Variants in PRMT8 observed in about 807,000 individuals in gnomAD.
The protein encoded by PRMT8 is protein arginine N-methyltransferase 8.
Under a neutral mutation model 47.1 loss-of-function variants are expected in PRMT8, and 7 were observed. The observed-to-expected ratio is 0.15, with a 90% CI of 0.08 to 0.28. The LOEUF (loss-of-function observed/expected upper bound fraction) is 0.28, where lower values mean the gene tolerates loss of function less well. PRMT8 is among the 10% of genes least tolerant of loss of function. The pLI, the probability that PRMT8 is intolerant of heterozygous loss-of-function variation, is 1.00. For synonymous variants in PRMT8, 188 were observed against 186.5 expected, an observed-to-expected ratio of 1.01 and a Z score of -0.07; for missense variants, 237 against 505.4, an observed-to-expected ratio of 0.47 and a Z score of 5.09.
chr12:3,537,355 A>C (rs1866137153), intron 1 of PRMT8, among the ~76,000 whole-genome samples: 1 of 152,202 alleles, frequency 6.6e-6, no homozygotes, highest in African/African-American at 2.4e-5. Flanking sequence ...TCCTTTCCCC[A>C]ATATTACATT....
At chr12:3,433,289 A>G (rs569538402) in intron 1 of PRMT8, among the ~76,000 whole-genome samples, 2 of 152,368 alleles carry the variant, frequency 1.3e-5, no homozygotes, top group African/African-American at 2.4e-5. Context: ...TATTGTTTGC[A>G]GTAGCAGAGA....
intron 1 of PRMT8, among the ~76,000 whole-genome samples, chr12:3,410,583 A>G (rs1255998059): frequency 1.3e-5 from 2 of 152,184 alleles, no homozygotes; most frequent in African/African-American, 4.8e-5. Flanking sequence ...ATCTCGGCTC[A>G]CTGCAACCTC....
At chr12:3,445,750 C>A (rs1207230534) in intron 1 of PRMT8, among the ~76,000 whole-genome samples, 1 of 152,234 alleles carries the variant, frequency 6.6e-6, no homozygotes, top group African/African-American at 2.4e-5. Context: ...GAAATACTCT[C>A]CAGTGGCCCC....
chr12:3,467,373 C>A (rs1285951113), intron 1 of PRMT8, among the ~76,000 whole-genome samples: 1 of 151,756 alleles, frequency 6.6e-6, no homozygotes, highest in Non-Finnish European at 1.5e-5. Flanking sequence ...GTCGCACAGA[C>A]ACCCGAGCAG....
intron 1 of PRMT8, among the ~76,000 whole-genome samples, chr12:3,401,899 T>C (rs1864321325): frequency 6.6e-6 from 1 of 152,182 alleles, no homozygotes; most frequent in African/African-American, 2.4e-5. Context: ...AAAATGGCCA[T>C]ACTGCCCAAA....
intron 1 of PRMT8, chr12:3,462,671 T>A (rs1392188092): frequency 1.3e-5 from 2 of 152,114 alleles, no homozygotes; most frequent in Non-Finnish European, 2.9e-5. Context: ...TTTTCTGCTT[T>A]CGTTGAGTGT....
At chr12:3,548,127 A>T (rs1310048438) in intron 2 of PRMT8, among the ~76,000 whole-genome samples, 1 of 152,150 alleles carries the variant, frequency 6.6e-6, no homozygotes, top group African/African-American at 2.4e-5. Context: ...TTAATGGAGG[A>T]AATGTTTCTT....
rs1276791698 is a variant in PRMT8, at chr12:3,420,052, AG to A, written c.48+38611del. The stretch of plus-strand genomic sequence containing the variant: ...GAGACAGACAGAGAGAGAGAGAGAG[AG>A]AGAGAGAGAGAAGGGCTGAGCCTGG... On this transcript the variant is annotated intron_variant, in intron 1 of 9. Coordinates refer to the PRMT8 transcript ENST00000452611. Among the ~76,000 whole-genome samples the A allele has an allele frequency of 3.0e-3, 454 of 151,010 alleles. 5 individuals are homozygous for A. Among genetic ancestry groups the A allele is most frequent in the African/African-American group, 0.011 (434 of 41,108 alleles).
intron 1 of PRMT8, among the ~76,000 whole-genome samples, 185 bp downstream of exon 1, chr12:3,491,885 T>G: frequency 8.6e-5 from 5 of 58,282 alleles, no homozygotes; most frequent in Non-Finnish European, 1.3e-4. Flanking sequence ...TGTGTGTGTG[T>G]GTGTTGGTGG....
chr12:3,475,078 A>G (rs977403753), intron 1 of PRMT8, among the ~76,000 whole-genome samples: 1 of 152,130 alleles, frequency 6.6e-6, no homozygotes, highest in African/African-American at 2.4e-5. Flanking sequence ...CAGACAGGTG[A>G]CTCTCATCAT....
Position 3,491,363 on chromosome 12 carries a change from A to AGGGGCGGGGAGGGGGTCG in PRMT8, c.-257_-240dup. 1.7e-6 allele frequency: 2 copies of AGGGGCGGGGAGGGGGTCG among 1,143,508 alleles called. No homozygotes were observed. The highest frequency in any genetic ancestry group is 2.1e-6 in the Non-Finnish European group (2 of 931,520). 70.8% of individuals were successfully genotyped at this position (1,143,508 alleles called of 1,614,324 possible). A position where few individuals can be genotyped will look rare whatever the true frequency, so the allele number is the denominator to read the frequency against. ...AGCTTAGCCCGCAGCGCGGGTGGAG[A>AGGGGCGGGGAGGGGGTCG]GGGGCGGGGAGGGGGTCGGGGGCAC... On this transcript the variant is annotated 5_prime_UTR_variant, in exon 1 of 10. Transcript: ENST00000382622.
At chr12:3,435,791 AT>A (rs1050147231) in intron 1 of PRMT8, among the ~76,000 whole-genome samples, 1 of 152,130 alleles carries the variant, frequency 6.6e-6, no homozygotes, top group Non-Finnish European at 1.5e-5. Context: ...GAGTGCTGGG[AT>A]TACAGGCGCG....
chr12:3,580,339 T>TGC lies in PRMT8; in HGVS notation c.829-2718_829-2717insCG, dbSNP rs1867034731. Among the ~76,000 whole-genome samples the TGC allele has an allele frequency of 6.3e-5, 8 of 126,804 alleles. No homozygotes were observed. Among genetic ancestry groups the TGC allele is most frequent in the Admixed American group, 6.0e-4 (8 of 13,254 alleles). 83.2% of individuals were successfully genotyped at this position (126,804 alleles called of 152,430 possible). A position where few individuals can be genotyped will look rare whatever the true frequency, so the allele number is the denominator to read the frequency against. ...CTGCCAGATGGGGGGTGCGTGTGCG[T>TGC]GTGTGTGTGTGTGTGTGTGTGTGTG... is the stretch of plus-strand genomic sequence containing the variant. On this transcript the variant is annotated intron_variant, in intron 7 of 9. Coordinates refer to ENST00000382622, the MANE Select transcript of PRMT8 (RefSeq NM_019854.5). This position sits in a 1 kb window ranked among gnomAD's most constrained non-coding sequence, Gnocchi z 4.6.
At chr12:3,513,706 C>A (rs770755424) in intron 1 of PRMT8, among the ~76,000 whole-genome samples, 26 of 152,308 alleles carry the variant, frequency 1.7e-4, no homozygotes, top group Non-Finnish European at 3.5e-4. Context: ...CTATGTGGTT[C>A]TTTCATGTCA....
chr12:3,485,751 T>C (rs1591565038), intron 1 of PRMT8, among the ~76,000 whole-genome samples: 2 of 152,184 alleles, frequency 1.3e-5, no homozygotes, highest in Non-Finnish European at 1.5e-5. Context: ...TTTATATATA[T>C]AACTTAGGTC....
At chr12:3,568,067 C>T (rs968528216) in intron 4 of PRMT8, among the ~76,000 whole-genome samples, 13 of 138,420 alleles carry the variant, frequency 9.4e-5, no homozygotes, top group East Asian at 9.3e-4. Flanking sequence ...AGTGAAACTC[C>T]GTCTCAAAAA....
intron 1 of PRMT8, among the ~76,000 whole-genome samples, chr12:3,385,609 T>C (rs1251906351): frequency 6.6e-6 from 1 of 152,240 alleles, no homozygotes; most frequent in Admixed American, 6.5e-5. Flanking sequence ...TAATTATAAC[T>C]TAGGCTTTAC....
chr12:3,384,722 A>G (rs1864123955), intron 1 of PRMT8, among the ~76,000 whole-genome samples: 1 of 152,028 alleles, frequency 6.6e-6, no homozygotes, highest in Non-Finnish European at 1.5e-5. Context: ...CCATGTCCAA[A>G]CCTAAACCAG....
Position 3,576,304 on chromosome 12 carries a change from A to G in PRMT8, c.713-567A>G, listed in dbSNP as rs533407369. 2.0e-5 allele frequency among the ~76,000 whole-genome samples: 3 copies of G among 152,328 alleles called. No individual in the cohort carries two copies. Among genetic ancestry groups the G allele is most frequent in the African/African-American group, 7.2e-5 (3 of 41,574 alleles). On this transcript the variant is annotated intron_variant, in intron 6 of 9. Transcript: ENST00000382622. This position sits in a 1 kb window ranked among gnomAD's most constrained non-coding sequence, Gnocchi z 4.0. ...GGTTCAGAGAGGTTAGGTCATTTGT[A>G]CAAAGGCTGACCAGTAAGTGGTGGT...
Sources: allele counts gnomAD v4.1 joint callset (sites outside exome capture counted in the v4.1 genomes callset), GRCh38; gene constraint gnomAD v4.1.1; non-coding constraint Gnocchi (gnomAD v3.1); transcripts MANE v1.5; gene names NCBI Gene and HGNC (gene_info 2026-07-23, HGNC 2026-07-21).